Variants in AFAP1 observed in about 807,000 individuals in gnomAD.
AFAP1 encodes the protein actin filament-associated protein 1.
A neutral mutation model predicts 93.9 loss-of-function variants in AFAP1; 75 were observed. That is an observed-to-expected ratio of 0.80 (90% CI 0.66 to 0.97). The LOEUF (loss-of-function observed/expected upper bound fraction) is 0.97. AFAP1 is among the 50% of genes least tolerant of loss of function. The pLI is 0.00. For missense variants in AFAP1, 1,201 were observed against 1,050.8 expected, an observed-to-expected ratio of 1.14 and a Z score of -1.98; for synonymous variants, 517 against 430.7, an observed-to-expected ratio of 1.20 and a Z score of -2.48.
At position 7,921,727 on chromosome 4, in the gene AFAP1, C is replaced by T. The variant is rs538958041; in HGVS notation, c.-3+17929G>A. On this transcript the variant is annotated intron_variant, in intron 1 of 17. Coordinates refer to ENST00000420658, the MANE Select transcript of AFAP1 (RefSeq NM_001134647.2). ...GCAAATATGCAAGAATTACATACAACTCAGCATTGATTAATCCAAACGGTT... is the reference window on the plus strand; with the variant it reads ...GCAAATATGCAAGAATTACATACAATTCAGCATTGATTAATCCAAACGGTT... 6.6e-5 allele frequency among the ~76,000 whole-genome samples: 10 copies of T among 152,358 alleles called. 1 individual carries two copies. In the South Asian group the frequency reaches 2.1e-3, roughly 32 times the overall value.
intron 6 of AFAP1, among the ~76,000 whole-genome samples, chr4:7,832,528 G>A (rs1341124376): frequency 6.6e-6 from 1 of 152,058 alleles, no homozygotes; most frequent in Non-Finnish European, 1.5e-5. Context: ...CCCCACTCCT[G>A]AGCCCTTTTC....
intron 1 of AFAP1, among the ~76,000 whole-genome samples, chr4:7,933,141 T>A (rs111598283): frequency 0.025 from 3,746 of 150,682 alleles, 149 homozygotes; most frequent in African/African-American, 0.085. Flanking sequence ...AGTAAGTGGA[T>A]TGGTAACCGC....
intron 1 of AFAP1, among the ~76,000 whole-genome samples, chr4:7,906,489 C>T (rs1719410417): frequency 6.6e-6 from 1 of 152,148 alleles, no homozygotes; most frequent in Admixed American, 6.5e-5. Context: ...ATAGTGAGTC[C>T]AGCCAATGTA....
intron 1 of AFAP1, among the ~76,000 whole-genome samples, chr4:7,901,563 C>T (rs1380567956): frequency 6.6e-6 from 1 of 152,196 alleles, no homozygotes; most frequent in Non-Finnish European, 1.5e-5. Context: ...GAAGCTGTGG[C>T]TGAGGCCATT....
At chr4:7,772,748 C>A (rs939022320) in intron 16 of AFAP1, 72 bp downstream of exon 16, 10 of 1,454,538 alleles carry the variant, frequency 6.9e-6, no homozygotes, top group Non-Finnish European at 9.4e-6. Flanking sequence ...ACTCCACATT[C>A]TCTCTGGGTG....
intron 3 of AFAP1, among the ~76,000 whole-genome samples, chr4:7,858,612 G>A (rs544483149): frequency 6.6e-6 from 1 of 152,160 alleles, no homozygotes; most frequent in Non-Finnish European, 1.5e-5. Flanking sequence ...AGGGAAGGTA[G>A]GTTTCCAATA....
At chr4:7,791,852 C>A (rs28715906) in intron 11 of AFAP1, among the ~76,000 whole-genome samples, 84,490 of 146,256 alleles carry the variant, frequency 0.58, 25,128 homozygotes, top group East Asian at 0.83. Context: ...CAAAAAAAAA[C>A]AAAAACAAAA....
intron 7 of AFAP1, among the ~76,000 whole-genome samples, chr4:7,816,478 A>G (rs753550143): frequency 6.6e-6 from 1 of 152,206 alleles, no homozygotes; most frequent in Non-Finnish European, 1.5e-5. Context: ...TCCATAGTCC[A>G]TTTAATTTCT....
chr4:7,763,610 G>T lies in AFAP1; in HGVS notation c.*155C>A. 1.4e-6 allele frequency: 1 copy of T among 738,602 alleles called. No homozygotes were observed. Among genetic ancestry groups the T allele is most frequent in the Non-Finnish European group, 2.2e-6 (1 of 462,318 alleles). The allele number at this position is 738,602 out of a possible 1,614,324, so 45.8% of individuals were successfully genotyped here. A position where few individuals can be genotyped will look rare whatever the true frequency, so the allele number is the denominator to read the frequency against. On this transcript the variant is annotated 3_prime_UTR_variant, in exon 18 of 18. Transcript: ENST00000420658. ...TTTACAGTAGAAAGAATACAAGTGG[G>T]CCTGGGGGACAGGCACTGGCCTCAG...
intron 1 of AFAP1, among the ~76,000 whole-genome samples, chr4:7,920,064 CCT>C (rs1720354265): frequency 6.6e-6 from 1 of 152,064 alleles, no homozygotes; most frequent in East Asian, 1.9e-4. Flanking sequence ...GGGTTGATTC[CCT>C]GTCTTTGCTA....
intron 16 of AFAP1, among the ~76,000 whole-genome samples, chr4:7,771,612 C>T (rs181846178): frequency 2.6e-5 from 4 of 152,292 alleles, no homozygotes; most frequent in Non-Finnish European, 5.9e-5. Flanking sequence ...CACACACAGT[C>T]TATGCAGCGA....
At chr4:7,821,292 C>T (rs1472237074) in intron 6 of AFAP1, among the ~76,000 whole-genome samples, 2 of 152,172 alleles carry the variant, frequency 1.3e-5, no homozygotes, top group Non-Finnish European at 2.9e-5. Flanking sequence ...GAAGTCTAAG[C>T]CAGCATGTGG....
intron 1 of AFAP1, among the ~76,000 whole-genome samples, chr4:7,916,360 G>A (rs554699136): frequency 6.6e-6 from 1 of 152,256 alleles, no homozygotes; most frequent in East Asian, 1.9e-4. Flanking sequence ...CAAAGGCAGG[G>A]ACCTCTCTGG....
chr4:7,916,010 C>A (rs1308052092), intron 1 of AFAP1, among the ~76,000 whole-genome samples: 1 of 101,572 alleles, frequency 9.8e-6, no homozygotes, highest in Non-Finnish European at 1.7e-5. Flanking sequence ...TCATCCCCGG[C>A]CTCCTCACTT....
At chr4:7,764,965 G>C (rs1197237827) in intron 17 of AFAP1, among the ~76,000 whole-genome samples, 1 of 152,142 alleles carries the variant, frequency 6.6e-6, no homozygotes, top group Non-Finnish European at 1.5e-5. Context: ...AATTAGCTGG[G>C]TGTGGTGGCG....
chr4:7,857,801 G>A lies in AFAP1; in HGVS notation c.226-2227C>T, dbSNP rs545399367. ...CGACAAATAGCTGAATCAAACAAAC[G>A]TTTGTGAACTAGTACAGGTCAGACT... On this transcript the variant is annotated intron_variant, in intron 3 of 17. Coordinates refer to ENST00000420658, the MANE Select transcript of AFAP1 (RefSeq NM_001134647.2). Among the ~76,000 whole-genome samples, 8 of 152,236 alleles carry A rather than the reference G, an allele frequency of 5.3e-5. No homozygotes were observed. In the East Asian group the frequency reaches 5.8e-4, roughly 11 times the overall value.
intron 1 of AFAP1, among the ~76,000 whole-genome samples, chr4:7,883,444 G>T (rs2149198997): frequency 6.6e-6 from 1 of 152,150 alleles, no homozygotes; most frequent in East Asian, 1.9e-4. Flanking sequence ...TATTTAATGA[G>T]GAAACACTTC....
chr4:7,787,511 G>C (rs573681369), intron 11 of AFAP1, among the ~76,000 whole-genome samples: 1 of 152,286 alleles, frequency 6.6e-6, no homozygotes, highest in African/African-American at 2.4e-5. Context: ...TTGTGGACTG[G>C]GCCCTTAACC....
rs534880633 is a variant in AFAP1, at chr4:7,913,866, T to C, written c.-3+25790A>G. Among the ~76,000 whole-genome samples, 5 of 152,288 alleles carry C rather than the reference T, an allele frequency of 3.3e-5. No individual in the cohort carries two copies. In the East Asian group the frequency reaches 7.7e-4, roughly 24 times the overall value. ...GCTAGCTGCTTCATAGCCATTCCAA[T>C]CTAAGTTCAGCTTTTTCTAATTGAC... On this transcript the variant is annotated intron_variant, in intron 1 of 17. Transcript: ENST00000420658.
Sources: allele counts gnomAD v4.1 joint callset (sites outside exome capture counted in the v4.1 genomes callset), GRCh38; gene constraint gnomAD v4.1.1; transcripts MANE v1.5; gene names NCBI Gene and HGNC (gene_info 2026-07-23, HGNC 2026-07-21).